CCDC186: variants seen among roughly 807,000 people sequenced by gnomAD.
CCDC186 encodes coiled-coil domain containing 186, also known as coiled-coil domain-containing protein 186.
Under a neutral mutation model 113.7 loss-of-function variants are expected in CCDC186, and 49 were observed. The ratio of observed to expected loss-of-function variants is 0.43; its 90% CI spans 0.34 to 0.55. CCDC186 has a LOEUF of 0.55. Ranked by LOEUF, CCDC186 falls within the 20% of genes least tolerant of loss-of-function variation. The pLI is 0.02. For synonymous variants in CCDC186, 355 were observed against 345.8 expected (o/e 1.03, Z -0.30); for missense variants, 890 against 1,011.1 (o/e 0.88, Z 1.62).
At chr10:114,150,152 A>G (rs919517810) in intron 4 of CCDC186, among the ~76,000 whole-genome samples, 37 of 152,228 alleles carry the variant, frequency 2.4e-4, no homozygotes, top group African/African-American at 8.4e-4. Flanking sequence ...GGGATCCATC[A>G]CATTCAAATA....
intron 10 of CCDC186, among the ~76,000 whole-genome samples, chr10:114,133,144 CTG>C (rs1002807357): frequency 6.6e-6 from 1 of 152,288 alleles, no homozygotes; most frequent in African/African-American, 2.4e-5. Context: ...AAAATACAAA[CTG>C]TGGCAGTTTT....
chr10:114,154,655 C>T (rs1194512513), intron 3 of CCDC186, among the ~76,000 whole-genome samples: 1 of 152,172 alleles, frequency 6.6e-6, no homozygotes, highest in African/African-American at 2.4e-5. Flanking sequence ...CAATTCTTCA[C>T]AAATTTTTGC....
chr10:114,154,101 C>T (rs2119816571), intron 3 of CCDC186, among the ~76,000 whole-genome samples: 2 of 151,026 alleles, frequency 1.3e-5, no homozygotes, highest in Admixed American at 1.3e-4. Flanking sequence ...GTAGCAGCTA[C>T]TCGGGAGGTT....
chr10:114,126,397 C>T (rs140666411), intron 14 of CCDC186, among the ~76,000 whole-genome samples: 11 of 152,174 alleles, frequency 7.2e-5, no homozygotes, highest in African/African-American at 2.7e-4. Flanking sequence ...CATTTTGTCA[C>T]CCAGGCTGGA....
At chr10:114,151,705 A>G (rs761752917) in intron 3 of CCDC186, among the ~76,000 whole-genome samples, 4 of 152,224 alleles carry the variant, frequency 2.6e-5, no homozygotes, top group African/African-American at 4.8e-5. Context: ...TTAGTCGCTT[A>G]GTAGCCATCT....
intron 4 of CCDC186, among the ~76,000 whole-genome samples, chr10:114,150,702 G>A (rs1253112471): frequency 6.6e-6 from 1 of 152,094 alleles, no homozygotes; most frequent in Non-Finnish European, 1.5e-5. Flanking sequence ...AGGCTGGAGT[G>A]CAGCAGTGCA....
chr10:114,156,282 A>G (rs775932521), intron 3 of CCDC186, among the ~76,000 whole-genome samples: 30 of 152,254 alleles, frequency 2.0e-4, no homozygotes, highest in Non-Finnish European at 3.4e-4. Context: ...ACTTTCTTTG[A>G]AAGATGAGAC....
rs1024072095 is a variant in CCDC186 at position 114,124,759 on chromosome 10, A to G, written c.*384T>C. On this transcript the variant is annotated 3_prime_UTR_variant, in exon 16 of 16. Coordinates refer to ENST00000369287, the MANE Select transcript of CCDC186 (RefSeq NM_018017.4). ...AATAGCGTATTACTGAATGTTTACC[A>G]CCTGTTTTCATGCATAATTTTTAAA... 3 of 162,606 alleles carry G rather than the reference A, an allele frequency of 1.8e-5. No homozygotes were observed. Among genetic ancestry groups the G allele is most frequent in the African/African-American group, 7.2e-5 (3 of 41,924 alleles). 10.1% of individuals were successfully genotyped at this position (162,606 alleles called of 1,614,324 possible).
intron 1 of CCDC186, among the ~76,000 whole-genome samples, chr10:114,170,864 C>A (rs2032475145): frequency 6.6e-6 from 1 of 151,912 alleles, no homozygotes; most frequent in African/African-American, 2.4e-5. Context: ...GGCAAGACCC[C>A]CCCACCCTCC....
At chr10:114,172,600 A>T (rs1276370097) in intron 1 of CCDC186, among the ~76,000 whole-genome samples, 1 of 152,246 alleles carries the variant, frequency 6.6e-6, no homozygotes, top group African/African-American at 2.4e-5. Context: ...CAGGGCCTTT[A>T]AAAAACAAAC....
intron 1 of CCDC186, among the ~76,000 whole-genome samples, chr10:114,172,844 T>C (rs895893886): frequency 6.6e-6 from 1 of 152,250 alleles, no homozygotes; most frequent in Non-Finnish European, 1.5e-5. Context: ...CAGTGTACAT[T>C]ACACACAGAG....
intron 2 of CCDC186, among the ~76,000 whole-genome samples, chr10:114,160,312 T>C (rs1207366944): frequency 6.6e-6 from 1 of 151,240 alleles, no homozygotes; most frequent in African/African-American, 2.4e-5. Context: ...GACAGTAATA[T>C]TGATGTGTTC....
At chr10:114,134,738 A>T (rs2031199683) in intron 10 of CCDC186, among the ~76,000 whole-genome samples, 175 bp downstream of exon 10, 1 of 152,230 alleles carries the variant, frequency 6.6e-6, no homozygotes, top group Non-Finnish European at 1.5e-5. Flanking sequence ...TTTAGAAGCC[A>T]TGACAGAACT....
intron 15 of CCDC186, 33 bp downstream of exon 15, chr10:114,125,853 A>C: frequency 6.4e-7 from 1 of 1,574,144 alleles, no homozygotes; most frequent in Non-Finnish European, 8.7e-7. Context: ...TGCCATGTTT[A>C]CTGGTTGGTG....
chr10:114,137,236 C>T lies in CCDC186; in HGVS notation c.1276G>A (p.Glu426Lys). 6.2e-7 allele frequency: 1 copy of T among 1,613,800 alleles called. No individual in the cohort carries two copies. The highest frequency in any genetic ancestry group is 8.5e-7 in the Non-Finnish European group (1 of 1,179,960). Residue 426 changes from glutamate (E) to lysine (K), a missense_variant, in exon 7 of 16, where the codon GAA (glutamate) becomes AAA (lysine). Physicochemically the swap from Glu to Lys is moderately conservative, Grantham distance 56. Transcript: ENST00000369287. ...CAGTTTTTTCGTATCTGATCTGCTT[C>T]TTCCTTTGCTTGTGTTAATTTTGTT... ...TTTKLTQAKE[E>K]ADQIRKNCQD...
upstream of CCDC186, chr10:114,174,208 G>T: frequency 2.3e-6 from 1 of 429,078 alleles, no homozygotes; most frequent in Admixed American, 2.7e-5. Flanking sequence ...AAAGATGGCG[G>T]CGACACTGAA....
In CCDC186 at chr10:114,163,281, C is replaced by A; in HGVS notation, c.-13G>T. 1 of 1,592,336 alleles carries A rather than the reference C, an allele frequency of 6.3e-7. No homozygotes were observed. Among genetic ancestry groups the A allele is most frequent in the Non-Finnish European group, 8.5e-7 (1 of 1,174,894 alleles). On this transcript the variant is annotated 5_prime_UTR_variant, in exon 2 of 16. Transcript: ENST00000369287. ...CTGTCTCTGACATGCTGACTGGCACCAATTCACTTTGTAATTCTTCAAATC... is the reference window on the plus strand; with the variant it reads ...CTGTCTCTGACATGCTGACTGGCACAAATTCACTTTGTAATTCTTCAAATC...
At chr10:114,165,849 C>CCAAAAAA in intron 1 of CCDC186, 7 of 685,852 alleles carry the variant, frequency 1.0e-5, no homozygotes, top group Non-Finnish European at 1.0e-5. Flanking sequence ...CACTTTGTCT[C>CCAAAAAA]AAAAAAAAAA....
Position 114,123,367 on chromosome 10 carries a change from T to C in CCDC186, c.*1776A>G, listed in dbSNP as rs550530762. 28 of 152,394 alleles carry C rather than the reference T, an allele frequency of 1.8e-4. No individual in the cohort carries two copies. Among genetic ancestry groups the C allele is most frequent in the African/African-American group, 6.7e-4 (28 of 41,568 alleles). The allele number at this position is 152,394 out of a possible 1,614,324, so 9.4% of individuals were successfully genotyped here. A position where few individuals can be genotyped will look rare whatever the true frequency, so the allele number is the denominator to read the frequency against. ...TTTTTTGGGATAACATCTAATTCAATATATAGAAAAAAAGACATTCATTAA... is the reference window on the plus strand; with the variant it reads ...TTTTTTGGGATAACATCTAATTCAACATATAGAAAAAAAGACATTCATTAA... On this transcript the variant is annotated 3_prime_UTR_variant, in exon 16 of 16. Transcript: ENST00000369287.
Sources: gnomAD v4.1 joint callset for allele counts (sites outside exome capture counted in the v4.1 genomes callset) on GRCh38, gnomAD v4.1.1 for gene constraint, MANE v1.5 for transcripts, NCBI Gene and HGNC (gene_info 2026-07-23, HGNC 2026-07-21) for gene names.